The following GDPD4 variants were observed in gnomAD, a reference collection of about 807,000 sequenced individuals.
The protein encoded by GDPD4 is glycerophosphodiester phosphodiesterase domain containing 4, also known as glycerophosphodiester phosphodiesterase 6.
In GDPD4, 60 loss-of-function variants were observed where a neutral mutation model predicts 67.8. The ratio of observed to expected loss-of-function variants is 0.88; its 90% CI spans 0.72 to 1.10. GDPD4 has a LOEUF of 1.10. Among genes scored for constraint, GDPD4 ranks in the 50% least tolerant of loss-of-function variants. GDPD4 has a pLI of 0.00. For missense variants in GDPD4, 623 were observed against 613.9 expected (o/e 1.01, Z -0.16); for synonymous variants, 212 against 210.9 (o/e 1.00, Z -0.04).
chr11:77,264,686 G>T (rs946929090), intron 10 of GDPD4, among the ~76,000 whole-genome samples: 1 of 152,078 alleles, frequency 6.6e-6, no homozygotes, highest in Admixed American at 6.6e-5. Context: ...GCCTGATTGG[G>T]ATAGGCTCAA....
At chr11:77,229,994 G>A (rs1462043477) in intron 14 of GDPD4, among the ~76,000 whole-genome samples, 4 of 152,060 alleles carry the variant, frequency 2.6e-5, no homozygotes, top group African/African-American at 9.7e-5. Context: ...CCTATCCCAA[G>A]GTCTTTCCTT....
Position 77,281,811 on chromosome 11 carries a change from A to C in GDPD4, c.54-2412T>G, listed in dbSNP as rs532726089. Among the ~76,000 whole-genome samples the C allele has an allele frequency of 3.3e-5, 5 of 152,246 alleles. No homozygotes were observed. In the South Asian group the frequency reaches 6.2e-4, roughly 19 times the overall value. ...TAGCTTTGAAGCATCTAAATGTGTG[A>C]ACAGACGTTATTAGTCTGCTCCCCC... On this transcript the variant is annotated intron_variant, in intron 3 of 16. Coordinates refer to ENST00000315938, the MANE Select transcript of GDPD4 (RefSeq NM_182833.3).
chr11:77,219,723 G>C (rs1199456985), intron 16 of GDPD4, among the ~76,000 whole-genome samples: 1 of 143,010 alleles, frequency 7.0e-6, no homozygotes, highest in Non-Finnish European at 1.5e-5. Flanking sequence ...GCTCTGTTCT[G>C]TTCCATTGGT....
At chr11:77,291,593 A>C (rs1355279104) in intron 1 of GDPD4, among the ~76,000 whole-genome samples, 1 of 152,256 alleles carries the variant, frequency 6.6e-6, no homozygotes, top group East Asian at 1.9e-4. Context: ...ACCATTACAC[A>C]TTCTATGCAT....
At position 77,245,613 on chromosome 11, in the gene GDPD4, C is replaced by T; in HGVS notation, c.865-111G>A. 4.5e-6 allele frequency: 3 copies of T among 664,426 alleles called. No individual in the cohort carries two copies. The South Asian group carries it at 5.6e-5, about 12-fold the overall frequency. The allele number at this position is 664,426 out of a possible 1,614,324, so 41.2% of individuals were successfully genotyped here. ...CTCCATTATCATTCAATCCATCAGG[C>T]CCTCTGAAGTACTAATCCTAGAAAA... On this transcript the variant is annotated intron_variant, in intron 11 of 16. Coordinates refer to ENST00000315938, the MANE Select transcript of GDPD4 (RefSeq NM_182833.3).
chr11:77,219,113 GTTTTGTTT>G (rs1289834498), intron 16 of GDPD4, among the ~76,000 whole-genome samples: 1 of 152,158 alleles, frequency 6.6e-6, no homozygotes, highest in Admixed American at 6.5e-5. Flanking sequence ...TCTCATTGTG[GTTTTGTTT>G]TGCATTTCTC....
chr11:77,250,041 C>G (rs1044663481), intron 11 of GDPD4, among the ~76,000 whole-genome samples: 2 of 152,026 alleles, frequency 1.3e-5, no homozygotes, highest in African/African-American at 4.8e-5. Flanking sequence ...TTTATAAACA[C>G]AGTATTATCT....
intron 10 of GDPD4, among the ~76,000 whole-genome samples, chr11:77,260,273 T>C (rs1472414023): frequency 7.2e-6 from 1 of 139,628 alleles, no homozygotes; most frequent in African/African-American, 2.9e-5. Context: ...GCCATTGGAC[T>C]CCAGCCTGGG....
chr11:77,274,226 C>G, intron 5 of GDPD4, among the ~76,000 whole-genome samples: 1 of 152,342 alleles, frequency 6.6e-6, no homozygotes, highest in South Asian at 2.1e-4. Flanking sequence ...CTCATGGCTT[C>G]AAGCTCCATC....
At chr11:77,266,404 G>GTA (rs1959178331) in intron 10 of GDPD4, among the ~76,000 whole-genome samples, 1 of 152,054 alleles carries the variant, frequency 6.6e-6, no homozygotes, top group African/African-American at 2.4e-5. Context: ...TCATATAAAA[G>GTA]TATAGCACAT....
At chr11:77,282,579 G>T (rs911668867) in intron 3 of GDPD4, among the ~76,000 whole-genome samples, 10 of 151,858 alleles carry the variant, frequency 6.6e-5, no homozygotes, top group Non-Finnish European at 1.3e-4. Flanking sequence ...GGTCAAGCTT[G>T]GGAGGCAGAG....
At chr11:77,254,949 T>C (rs1958977190) in intron 11 of GDPD4, among the ~76,000 whole-genome samples, 1 of 152,162 alleles carries the variant, frequency 6.6e-6, no homozygotes, top group African/African-American at 2.4e-5. Context: ...TCTCCAAATC[T>C]TTTAAATCAC....
intron 15 of GDPD4, among the ~76,000 whole-genome samples, chr11:77,228,867 A>C (rs1958399144): frequency 6.6e-6 from 1 of 152,166 alleles, no homozygotes; most frequent in African/African-American, 2.4e-5. Flanking sequence ...CTTGTTCTGG[A>C]CAATATTCAA....
intron 5 of GDPD4, among the ~76,000 whole-genome samples, chr11:77,272,775 C>CAA (rs879912835): frequency 7.8e-6 from 1 of 127,474 alleles, no homozygotes; most frequent in African/African-American, 2.9e-5. Flanking sequence ...GACTCTGCCT[C>CAA]AAAAAAAAAA....
At chr11:77,221,546 G>A (rs1001414472) in intron 16 of GDPD4, among the ~76,000 whole-genome samples, 24 of 152,232 alleles carry the variant, frequency 1.6e-4, no homozygotes, top group African/African-American at 5.8e-4. Context: ...GAGGTTTTGA[G>A]TGAGTTTCTT....
chr11:77,289,160 G>A (rs559446314), intron 1 of GDPD4, among the ~76,000 whole-genome samples: 9 of 152,170 alleles, frequency 5.9e-5, no homozygotes, highest in Non-Finnish European at 8.8e-5. Flanking sequence ...TCAGGAGTTC[G>A]AGACCAGCTT....
chr11:77,278,295 T>C (rs1325282606), intron 4 of GDPD4, among the ~76,000 whole-genome samples: 1 of 152,204 alleles, frequency 6.6e-6, no homozygotes, highest in Non-Finnish European at 1.5e-5. Context: ...CTAACAGAAC[T>C]GACCGTTCCC....
At chr11:77,249,341 T>A (rs922410734) in intron 11 of GDPD4, among the ~76,000 whole-genome samples, 5 of 151,874 alleles carry the variant, frequency 3.3e-5, no homozygotes, top group African/African-American at 1.2e-4. Flanking sequence ...AGACAAATTG[T>A]TTTTCGAAGC....
At chr11:77,279,278 A>T in intron 4 of GDPD4, 28 bp downstream of exon 4, 1 of 1,418,670 alleles carries the variant, frequency 7.0e-7, no homozygotes, top group Non-Finnish European at 1.0e-6. Flanking sequence ...TCAGGAAGGG[A>T]GTGGAAGAAA....
Sources: allele counts gnomAD v4.1 joint callset (sites outside exome capture counted in the v4.1 genomes callset), GRCh38; gene constraint gnomAD v4.1.1; transcripts MANE v1.5; gene names NCBI Gene and HGNC (gene_info 2026-07-23, HGNC 2026-07-21).